NPFFR1: variants seen among roughly 807,000 people sequenced by gnomAD.
NPFFR1 encodes the protein neuropeptide FF receptor 1.
A neutral mutation model predicts 12.7 loss-of-function variants in NPFFR1; 17 were observed. That is an observed-to-expected ratio of 1.34 (90% CI 0.92 to 2.01). NPFFR1 has a LOEUF of 2.01. NPFFR1 is among the 30% of genes most tolerant of loss of function. NPFFR1 has a pLI of 0.00. For synonymous variants in NPFFR1, 296 were observed against 264.5 expected (o/e 1.12, Z -1.16); for missense variants, 604 against 606.5 (o/e 1.00, Z 0.04).
Position 70,249,923 on chromosome 10 carries a change from T to G in NPFFR1, c.*5034A>C, listed in dbSNP as rs1840493656. 6.6e-6 allele frequency: 1 copy of G among 150,686 alleles called. No homozygotes were observed. Among genetic ancestry groups the G allele is most frequent in the Admixed American group, 6.6e-5 (1 of 15,146 alleles). The allele number at this position is 150,686 out of a possible 1,614,324, so 9.3% of individuals were successfully genotyped here. A position where few individuals can be genotyped will look rare whatever the true frequency, so the allele number is the denominator to read the frequency against. On this transcript the variant is annotated 3_prime_UTR_variant, in exon 4 of 4. Coordinates refer to ENST00000277942, the MANE Select transcript of NPFFR1 (RefSeq NM_022146.5). ...CTTCTTTCTTTCTTTCTTTTTTTTT[T>G]TTTTTTTGAGACAGTCTTGCTCTGT...
intron 1 of NPFFR1, among the ~76,000 whole-genome samples, chr10:70,267,331 A>C (rs1840703997): frequency 1.3e-5 from 2 of 152,180 alleles, no homozygotes; most frequent in Non-Finnish European, 2.9e-5. Flanking sequence ...CATAGCATTT[A>C]ACATAACACT....
Position 70,255,560 on chromosome 10 carries a change from C to A in NPFFR1, c.690G>T (p.Ala230=), listed in dbSNP as rs748770268. ...TGCGGGCGTACATGACCACGATGAG[C>A]GCCAGCGGCGCCAGGTAGATGTGCG... ...LFSHIYLAPL[A]LIVVMYARIA... is the part of the protein sequence containing the mutation. Residue 230 remains alanine, a synonymous_variant, in exon 4 of 4, where the codon GCG becomes GCT. Transcript: ENST00000277942. This position sits in a 1 kb window ranked among gnomAD's most constrained non-coding sequence, Gnocchi z 4.2. 7.1e-6 allele frequency: 11 copies of A among 1,550,782 alleles called. 1 individual carries two copies. The South Asian group carries it at 1.3e-4, about 18-fold the overall frequency.
At chr10:70,279,447 TC>T (rs1273083024) in intron 1 of NPFFR1, among the ~76,000 whole-genome samples, 1 of 150,294 alleles carries the variant, frequency 6.7e-6, no homozygotes, top group Non-Finnish European at 1.5e-5. Flanking sequence ...GCACCCAAAC[TC>T]AATCTTTATT....
At chr10:70,261,985 G>GA (rs1840640318) in intron 2 of NPFFR1, among the ~76,000 whole-genome samples, 1 of 152,014 alleles carries the variant, frequency 6.6e-6, no homozygotes, top group African/African-American at 2.4e-5. Flanking sequence ...CTTCATGTGA[G>GA]AAAAAAGAGA....
intron 1 of NPFFR1, 85 bp downstream of exon 1, chr10:70,283,585 G>T: frequency 7.6e-7 from 1 of 1,310,762 alleles, no homozygotes. Context: ...GTGATCAGCT[G>T]CCCGGCCCTC....
At position 70,247,505 on chromosome 10, in the gene NPFFR1, G is replaced by C. The variant is rs1840461795; in HGVS notation, c.*7452C>G. 1 of 152,094 alleles carries C rather than the reference G, an allele frequency of 6.6e-6. No individual in the cohort carries two copies. Among genetic ancestry groups the C allele is most frequent in the Non-Finnish European group, 1.5e-5 (1 of 68,020 alleles). 9.4% of individuals were successfully genotyped at this position (152,094 alleles called of 1,614,324 possible). On this transcript the variant is annotated 3_prime_UTR_variant, in exon 4 of 4. Coordinates refer to ENST00000277942, the MANE Select transcript of NPFFR1 (RefSeq NM_022146.5). Reference sequence around the variant, plus strand: ...GCACTACACAACATACTCCTCCTGGGGGGCAGTCAAAACACAGAAATGTAG... The same window carrying C: ...GCACTACACAACATACTCCTCCTGGCGGGCAGTCAAAACACAGAAATGTAG...
rs763353344 is a variant in NPFFR1 at position 70,266,213 on chromosome 10, G to T, written c.186C>A (p.Thr62=). 6.2e-7 allele frequency: 1 copy of T among 1,614,016 alleles called. No homozygotes were observed. Among genetic ancestry groups the T allele is most frequent in the East Asian group, 2.2e-5 (1 of 44,888 alleles). ...TCTTGAGCACGATGAAACAGACCAG[G>T]GTGTTGCCCACCATGCAGAGCAGGA... is the stretch of plus-strand genomic sequence containing the variant. ...LIFLLCMVGN[T]LVCFIVLKNR... Residue 62 remains threonine (T), a synonymous_variant, in exon 2 of 4, where the codon ACC becomes ACA. Transcript: ENST00000277942.
chr10:70,260,653 T>C lies in NPFFR1; in HGVS notation c.409A>G (p.Ile137Val), dbSNP rs555885128. The change falls in exon 3 of 4, where the codon ATT (isoleucine) becomes GTT (valine). Residue 137 changes from isoleucine (I) to valine (V), a missense_variant. Physicochemically the swap from Ile to Val is conservative, Grantham distance 29. Transcript: ENST00000277942. ...GAAACCTCTCACCTTTCCACAGCAA[T>C]GGCCACCAGTGTGAAAACGGAAGCC... is the stretch of plus-strand genomic sequence containing the variant. ...VSASVFTLVA[I>V]AVERFRCIVH... 1.2e-6 allele frequency: 2 copies of C among 1,610,100 alleles called. No homozygotes were observed. The highest frequency in any genetic ancestry group is 2.7e-5 in the African/African-American group (2 of 74,978).
At chr10:70,282,195 G>A (rs1170950487) in intron 1 of NPFFR1, among the ~76,000 whole-genome samples, 1 of 151,986 alleles carries the variant, frequency 6.6e-6, no homozygotes, top group African/African-American at 2.4e-5. Flanking sequence ...TCTTCCTATC[G>A]CTTGACTATC....
chr10:70,266,282 G>A lies in NPFFR1; in HGVS notation c.117C>T (p.Thr39=). ...NLTFSSYYQH[T]SPVAAMFIVA... ...CAATGAACATGGCCGCCACAGGGGA[G>A]GTGTGCTGATAGTAGGAGGAGAAGG... is the stretch of plus-strand genomic sequence containing the variant. The change falls in exon 2 of 4, where the codon ACC becomes ACT. Residue 39 remains threonine, a synonymous_variant. Coordinates refer to ENST00000277942, the MANE Select transcript of NPFFR1 (RefSeq NM_022146.5). The A allele has an allele frequency of 1.9e-6, 3 of 1,613,922 alleles. No homozygotes were observed. The highest frequency in any genetic ancestry group is 1.7e-6 in the Non-Finnish European group (2 of 1,179,860).
rs983039934 is a variant in NPFFR1 at position 70,250,550 on chromosome 10, A to C, written c.*4407T>G. The C allele has an allele frequency of 2.0e-5, 3 of 152,256 alleles. No homozygotes were observed. Among genetic ancestry groups the C allele is most frequent in the Admixed American group, 6.5e-5 (1 of 15,288 alleles). 9.4% of individuals were successfully genotyped at this position (152,256 alleles called of 1,614,324 possible). On this transcript the variant is annotated 3_prime_UTR_variant, in exon 4 of 4. Transcript: ENST00000277942. ...AAAATGTGATCTATTCATACAGTGG[A>C]ATAGTACTCAGCAATCAAAAGGAAA...
chr10:70,249,089 C>A lies in NPFFR1; in HGVS notation c.*5868G>T, dbSNP rs1340853080. The A allele has an allele frequency of 6.6e-6, 1 of 152,150 alleles. No individual in the cohort carries two copies. The highest frequency in any genetic ancestry group is 1.5e-5 in the Non-Finnish European group (1 of 68,038). 9.4% of individuals were successfully genotyped at this position (152,150 alleles called of 1,614,324 possible). A position where few individuals can be genotyped will look rare whatever the true frequency, so the allele number is the denominator to read the frequency against. ...CTATATCCTCTTACCTTGCTTTAGA[C>A]CCATTCTTAATGGATTTAAAAATCA... is the stretch of plus-strand genomic sequence containing the variant. On this transcript the variant is annotated 3_prime_UTR_variant, in exon 4 of 4. Transcript: ENST00000277942.
chr10:70,265,618 TC>T (rs1251250700), intron 2 of NPFFR1, among the ~76,000 whole-genome samples: 1 of 152,172 alleles, frequency 6.6e-6, no homozygotes, highest in Non-Finnish European at 1.5e-5. Context: ...CTTCCACTTC[TC>T]CCCACTGGCT....
intron 1 of NPFFR1, among the ~76,000 whole-genome samples, chr10:70,269,232 G>C (rs1354355708): frequency 6.6e-6 from 1 of 152,168 alleles, no homozygotes; most frequent in Non-Finnish European, 1.5e-5. Context: ...GGGCTCAGGT[G>C]ATGTACCTCT....
Position 70,283,853 on chromosome 10 carries a change from C to T in NPFFR1, c.-177G>A, listed in dbSNP as rs777460892. ...TGAGCAGGGGGCGTGCGCTCCCAGG[C>T]CCCGGGCCCTGGCCGGTTTCCCTCC... On this transcript the variant is annotated 5_prime_UTR_variant, in exon 1 of 4. Transcript: ENST00000277942. Among the ~76,000 whole-genome samples, 4 of 152,198 alleles carry T rather than the reference C, an allele frequency of 2.6e-5. No individual in the cohort carries two copies. The highest frequency in any genetic ancestry group is 6.5e-5 in the Admixed American group (1 of 15,286).
At chr10:70,283,050 G>C (rs567310704) in intron 1 of NPFFR1, among the ~76,000 whole-genome samples, 1 of 152,234 alleles carries the variant, frequency 6.6e-6, no homozygotes, top group African/African-American at 2.4e-5. Flanking sequence ...TAGCCAAGCT[G>C]TCCTCACCTG....
chr10:70,272,188 G>GAAAGAAAGAAAGAA (rs1564596655), intron 1 of NPFFR1, among the ~76,000 whole-genome samples: 4 of 27,448 alleles, frequency 1.5e-4, no homozygotes, highest in African/African-American at 2.2e-4. Flanking sequence ...GGGAGGGAGG[G>GAAAGAAAGAAAGAA]AGGAAAGAAA....
In NPFFR1 at chr10:70,260,173, C is replaced by T. The variant is rs577703175; in HGVS notation, c.422+467G>A. Among the ~76,000 whole-genome samples the T allele has an allele frequency of 4.4e-4, 67 of 152,184 alleles. 1 individual carries two copies. The Middle Eastern group carries it at 0.01, about 23-fold the overall frequency. On this transcript the variant is annotated intron_variant, in intron 3 of 3. Transcript: ENST00000277942. ...AGGCTGAGAGACGAGAAGCGGTGAACGTGGGGATTGAGTACAGCCTGGGCT... is the reference window on the plus strand; with the variant it reads ...AGGCTGAGAGACGAGAAGCGGTGAATGTGGGGATTGAGTACAGCCTGGGCT...
intron 2 of NPFFR1, 40 bp downstream of exon 2, chr10:70,266,037 G>C: frequency 7.7e-6 from 12 of 1,557,666 alleles, no homozygotes; most frequent in Non-Finnish European, 1.1e-5. Context: ...GTTGAAGTGG[G>C]GGGTAGGGGA....
Sources: allele counts gnomAD v4.1 joint callset (sites outside exome capture counted in the v4.1 genomes callset), GRCh38; gene constraint gnomAD v4.1.1; non-coding constraint Gnocchi (gnomAD v3.1); transcripts MANE v1.5; gene names NCBI Gene and HGNC (gene_info 2026-07-23, HGNC 2026-07-21).